Variants in TPGS2 observed in about 807,000 individuals in gnomAD.
TPGS2 encodes polyglutamylase subunit 2.
A neutral mutation model predicts 31.1 loss-of-function variants in TPGS2; 26 were observed. The ratio of observed to expected loss-of-function variants is 0.84; its 90% confidence interval spans 0.61 to 1.16. TPGS2 has a LOEUF of 1.16. TPGS2 is among the 50% of genes most tolerant of loss of function. The pLI, the probability that TPGS2 is intolerant of heterozygous loss-of-function variation, is 0.00. For missense variants in TPGS2, 351 were observed against 363.8 expected (o/e 0.96, Z 0.29); for synonymous variants, 130 against 136.6 (o/e 0.95, Z 0.34).
chr18:36,828,992 T>C lies in TPGS2; in HGVS notation c.-225A>G. On this transcript the variant is annotated 5_prime_UTR_variant, in exon 1 of 7. Transcript: ENST00000334295. ...CCACACCGCACCTCCGGGACGTAGC[T>C]TCCCCTTCGCCCCCACCCTCTCGCC... 14 of 1,107,522 alleles carry C rather than the reference T, an allele frequency of 1.3e-5. No individual in the cohort carries two copies. The highest frequency in any genetic ancestry group is 1.5e-5 in the Non-Finnish European group (12 of 819,540). 68.6% of individuals were successfully genotyped at this position (1,107,522 alleles called of 1,614,324 possible).
In TPGS2 at chr18:36,800,558, G is replaced by C. The variant is rs567495703; in HGVS notation, c.383-247C>G. On this transcript the variant is annotated intron_variant, in intron 4 of 6. Transcript: ENST00000334295. The stretch of plus-strand genomic sequence containing the variant: ...CAGGGAATCTGGGAAAAGGAGGCAT[G>C]AGAAAGCAAACTTCTTGGAAGTGGG... 7.2e-5 allele frequency among the ~76,000 whole-genome samples: 11 copies of C among 152,338 alleles called. No homozygotes were observed. The East Asian group carries it at 2.1e-3, about 29-fold the overall frequency.
rs1200886942 is a variant in TPGS2 at position 36,794,622 on chromosome 18, T to C, written c.*2183A>G. 1 of 985,282 alleles carries C rather than the reference T, an allele frequency of 1.0e-6. No individual in the cohort carries two copies. The highest frequency in any genetic ancestry group is 6.2e-5 in the Admixed American group (1 of 16,258). 61.0% of individuals were successfully genotyped at this position (985,282 alleles called of 1,614,324 possible). On this transcript the variant is annotated 3_prime_UTR_variant, in exon 7 of 7. Transcript: ENST00000334295. Reference sequence around the variant, plus strand: ...TGCTAGAATCTCCTATCCAGTGCCGTTGGCTCTTCCTTTGATCAATTCTGG... The same window carrying C: ...TGCTAGAATCTCCTATCCAGTGCCGCTGGCTCTTCCTTTGATCAATTCTGG...
intron 3 of TPGS2, chr18:36,806,121 C>G (rs758058089): frequency 3.3e-5 from 5 of 152,162 alleles, no homozygotes; most frequent in African/African-American, 1.2e-4. Context: ...AGCAATAAAA[C>G]AACCTGTGTA....
chr18:36,803,260 G>GAAAC (rs2044928656), intron 4 of TPGS2, among the ~76,000 whole-genome samples: 1 of 152,092 alleles, frequency 6.6e-6, no homozygotes, highest in Non-Finnish European at 1.5e-5. Flanking sequence ...GTTGACCAAC[G>GAAAC]TTTCCCCTTT....
At chr18:36,818,196 C>T (rs1226986694) in intron 2 of TPGS2, among the ~76,000 whole-genome samples, 2 of 152,166 alleles carry the variant, frequency 1.3e-5, no homozygotes, top group African/African-American at 2.4e-5. Context: ...TTTCTTATTG[C>T]TTCTTTGGGA....
At chr18:36,816,687 C>T (rs1171385440) in intron 2 of TPGS2, among the ~76,000 whole-genome samples, 1 of 152,308 alleles carries the variant, frequency 6.6e-6, no homozygotes, top group South Asian at 2.1e-4. Context: ...CAGTTCACTA[C>T]AACCTCCGCC....
At chr18:36,823,336 C>T (rs1047283745) in intron 1 of TPGS2, among the ~76,000 whole-genome samples, 1 of 152,170 alleles carries the variant, frequency 6.6e-6, no homozygotes, top group African/African-American at 2.4e-5. Context: ...CAGCTGGGGC[C>T]ACTCTCGGCT....
At chr18:36,784,911 G>A (rs950089892) in intron 6 of TPGS2, among the ~76,000 whole-genome samples, 10 of 152,086 alleles carry the variant, frequency 6.6e-5, no homozygotes, top group African/African-American at 2.4e-4. Flanking sequence ...CAGTCTGACT[G>A]GGCTGACTGA....
At chr18:36,787,571 A>G (rs557037707) in intron 6 of TPGS2, among the ~76,000 whole-genome samples, 1 of 152,248 alleles carries the variant, frequency 6.6e-6, no homozygotes, top group South Asian at 2.1e-4. Context: ...GTATTTATAC[A>G]GGAAGAGCTG....
At chr18:36,797,374 C>T (rs774366098) in intron 6 of TPGS2, among the ~76,000 whole-genome samples, 3 of 150,696 alleles carry the variant, frequency 2.0e-5, no homozygotes, top group Admixed American at 6.7e-5. Context: ...TAGAGGACAG[C>T]GTCTATTGTT....
downstream of TPGS2, among the ~76,000 whole-genome samples, chr18:36,780,905 C>T (rs2043994498): frequency 6.6e-6 from 1 of 152,170 alleles, no homozygotes; most frequent in Non-Finnish European, 1.5e-5. Flanking sequence ...CACTTTTATA[C>T]ATCTGGCAGC....
Position 36,796,853 on chromosome 18 carries a change from G to A in TPGS2, c.855C>T (p.Ser285=). The A allele has an allele frequency of 2.5e-6, 4 of 1,607,170 alleles. No homozygotes were observed. Among genetic ancestry groups the A allele is most frequent in the South Asian group, 2.2e-5 (2 of 89,206 alleles). ...AGCCAGAGGAGGATTTAGAAGTGGA[G>A]GAAGTGGAGGGACCGGAGGGTCCTG... The part of the protein sequence containing the change: ...GPSGPSGPST[S]STSKSSSGSG... Residue 285 remains serine (S), a synonymous_variant, in exon 7 of 7, where the codon TCC becomes TCT. Transcript: ENST00000334295.
intron 6 of TPGS2, among the ~76,000 whole-genome samples, chr18:36,783,729 C>T (rs1238287298): frequency 1.3e-5 from 2 of 152,296 alleles, no homozygotes; most frequent in East Asian, 1.9e-4. Context: ...TTCATAGATA[C>T]ACCTAAGATG....
chr18:36,808,117 CT>C (rs1322934671), intron 2 of TPGS2, among the ~76,000 whole-genome samples, 183 bp from the exon 3 acceptor site: 1 of 151,900 alleles, frequency 6.6e-6, no homozygotes, highest in African/African-American at 2.4e-5. Context: ...TCCAGTTTGC[CT>C]TTTTTTTCTT....
intron 4 of TPGS2, among the ~76,000 whole-genome samples, chr18:36,803,325 T>C (rs1487440773): frequency 6.6e-6 from 1 of 152,194 alleles, no homozygotes; most frequent in Non-Finnish European, 1.5e-5. Context: ...ATCTGTTACC[T>C]GTTATCTGTG....
chr18:36,788,340 A>G (rs901545404), intron 6 of TPGS2, among the ~76,000 whole-genome samples: 12 of 152,202 alleles, frequency 7.9e-5, no homozygotes, highest in African/African-American at 2.9e-4. Context: ...CACGTGTGGT[A>G]GCAGATGTGG....
chr18:36,793,935 G>A (rs1199352616), downstream of TPGS2, among the ~76,000 whole-genome samples: 1 of 152,012 alleles, frequency 6.6e-6, no homozygotes, highest in Non-Finnish European at 1.5e-5. Context: ...TAGAGATGGG[G>A]TTTCACTGTG....
At chr18:36,815,905 G>A (rs1005277668) in intron 2 of TPGS2, among the ~76,000 whole-genome samples, 7 of 152,078 alleles carry the variant, frequency 4.6e-5, no homozygotes, top group Non-Finnish European at 7.4e-5. Flanking sequence ...TGTCCAGGCT[G>A]TTCTTGAACT....
Position 36,828,865 on chromosome 18 carries a change from T to C in TPGS2, c.-98A>G. 10 of 1,445,066 alleles carry C rather than the reference T, an allele frequency of 6.9e-6. No individual in the cohort carries two copies. Among genetic ancestry groups the C allele is most frequent in the Non-Finnish European group, 9.4e-6 (10 of 1,058,718 alleles). 89.5% of individuals were successfully genotyped at this position (1,445,066 alleles called of 1,614,324 possible). ...TTCATGGCATGCCGGGAACGGTAGTTCTCGGCGCCTGAAAGCGCGGCGCAG... is the reference window on the plus strand; with the variant it reads ...TTCATGGCATGCCGGGAACGGTAGTCCTCGGCGCCTGAAAGCGCGGCGCAG... On this transcript the variant is annotated 5_prime_UTR_variant, in exon 1 of 7. Coordinates refer to ENST00000334295, the MANE Select transcript of TPGS2 (RefSeq NM_015476.4).
Sources: allele counts gnomAD v4.1 joint callset (sites outside exome capture counted in the v4.1 genomes callset), GRCh38; gene constraint gnomAD v4.1.1; transcripts MANE v1.5; gene names NCBI Gene and HGNC (gene_info 2026-07-23, HGNC 2026-07-21).